AKAP11: variants seen among roughly 807,000 people sequenced by gnomAD.
AKAP11 encodes the protein A-kinase anchoring protein 11, also known as A-kinase anchor protein 11.
In AKAP11, 36 loss-of-function variants were observed where a neutral mutation model predicts 146.1. The observed-to-expected ratio is 0.25, with a 90% CI of 0.19 to 0.33. AKAP11 has a LOEUF of 0.33. AKAP11 is among the 10% of genes least tolerant of loss of function. The probability of loss-of-function intolerance (pLI) is 1.00; values close to 1 mark genes in which losing one functional copy is unlikely to be tolerated. For missense variants in AKAP11, 2,201 were observed against 2,197.0 expected (o/e 1.00, Z -0.04); for synonymous variants, 780 against 786.5 (o/e 0.99, Z 0.14).
At chr13:42,283,402 A>G (rs1959104128) in intron 1 of AKAP11, among the ~76,000 whole-genome samples, 1 of 152,102 alleles carries the variant, frequency 6.6e-6, no homozygotes, top group South Asian at 2.1e-4. Flanking sequence ...CTTTTTATGT[A>G]TATTGTATGT....
chr13:42,303,012 CA>C lies in AKAP11; in HGVS notation c.4271del (p.Lys1424ArgfsTer42). On this transcript the variant is annotated frameshift_variant, in exon 8 of 13. Transcript: ENST00000025301. LOFTEE classifies it high-confidence loss of function. ...SNKEHHQEAD[K>X]KRQSKRNEGY... ...ACAAAGAGCACCACCAAGAAGCAGA[CA>C]AAAAGAGACAAAGTAAAAGAAATGA... is the stretch of plus-strand genomic sequence containing the variant. 6.2e-7 allele frequency: 1 copy of C among 1,612,696 alleles called. No homozygotes were observed. The highest frequency in any genetic ancestry group is 2.2e-5 in the East Asian group (1 of 44,848).
intron 11 of AKAP11, 104 bp from the exon 12 acceptor site, chr13:42,317,424 T>G: frequency 1.6e-6 from 2 of 1,230,392 alleles, no homozygotes; most frequent in South Asian, 1.6e-5. Flanking sequence ...TCACCATTCA[T>G]TAGAATCCTA....
At chr13:42,313,256 C>T (rs1434127013) in intron 10 of AKAP11, 126 bp downstream of exon 10, 1 of 660,388 alleles carries the variant, frequency 1.5e-6, no homozygotes, top group Non-Finnish European at 2.5e-6. Flanking sequence ...TATATTTTGA[C>T]ATGATTCTGC....
intron 1 of AKAP11, among the ~76,000 whole-genome samples, chr13:42,274,972 G>C (rs1239724642): frequency 1.3e-5 from 2 of 152,188 alleles, no homozygotes; most frequent in Admixed American, 1.3e-4. Context: ...TGCTTACTCA[G>C]TGTTTTTATT....
At chr13:42,304,310 A>G (rs1340499636) in intron 8 of AKAP11, among the ~76,000 whole-genome samples, 2 of 152,216 alleles carry the variant, frequency 1.3e-5, no homozygotes, top group African/African-American at 4.8e-5. Context: ...GTCTCACACC[A>G]TCTCACTCAG....
At chr13:42,276,105 C>T (rs1958910674) in intron 1 of AKAP11, among the ~76,000 whole-genome samples, 1 of 152,166 alleles carries the variant, frequency 6.6e-6, no homozygotes, top group Non-Finnish European at 1.5e-5. Flanking sequence ...CATAGATGCT[C>T]TCTTGAATTT....
At position 42,298,711 on chromosome 13, in the gene AKAP11, A is replaced by G; in HGVS notation, c.530A>G (p.Asn177Ser). The G allele has an allele frequency of 1.9e-6, 3 of 1,610,046 alleles. No homozygotes were observed. The highest frequency in any genetic ancestry group is 1.7e-6 in the Non-Finnish European group (2 of 1,178,672). The change falls in exon 7 of 13, where the codon AAC becomes AGC. Residue 177 changes from asparagine (N) to serine (S), a missense_variant. Physicochemically the swap from Asn to Ser is conservative, Grantham distance 46. Transcript: ENST00000025301. Reference protein sequence around the residue: ...ETTDEDDDDTNQSVSSIEDDF... With the variant: ...ETTDEDDDDTSQSVSSIEDDF... ...ACTGATGAAGATGATGATGATACTA[A>G]CCAGTCTGTGTCATCCATAGAGGAT...
At position 42,303,378 on chromosome 13, in the gene AKAP11, CAAA is replaced by C. The variant is rs761179518; in HGVS notation, c.4636_4638del (p.Lys1546del). 5.6e-6 allele frequency: 9 copies of C among 1,613,542 alleles called. No individual in the cohort carries two copies. The highest frequency in any genetic ancestry group is 7.6e-6 in the Non-Finnish European group (9 of 1,180,002). Reference sequence around the variant, plus strand: ...TTGTTCAAGCTGTAGAACAGTATGCCAAAAAAGTAGTGGATGACACTCTAGAGC... The same window carrying C: ...TTGTTCAAGCTGTAGAACAGTATGCCAAAGTAGTGGATGACACTCTAGAGC... On this transcript the variant is annotated inframe_deletion, in exon 8 of 13. Transcript: ENST00000025301.
chr13:42,287,408 C>T (rs1162381592), intron 3 of AKAP11, among the ~76,000 whole-genome samples: 2 of 151,944 alleles, frequency 1.3e-5, no homozygotes, highest in Non-Finnish European at 2.9e-5. Flanking sequence ...CTCAGCCTCC[C>T]GAGTAGCTGG....
At position 42,313,136 on chromosome 13, in the gene AKAP11, TC is replaced by T. The variant is rs753356984; in HGVS notation, c.5357+8del. The T allele has an allele frequency of 1.9e-6, 3 of 1,606,520 alleles. No homozygotes were observed. Among genetic ancestry groups the T allele is most frequent in the Admixed American group, 3.4e-5 (2 of 58,546 alleles). ...TCCTTTCCAACATCAGACAGGTTGG[TC>T]CAGTCTAGAAACTTAAAAACTGATG... On this transcript the variant is annotated splice_region_variant and intron_variant, in intron 10 of 12. Coordinates refer to ENST00000025301, the MANE Select transcript of AKAP11 (RefSeq NM_016248.4).
chr13:42,297,137 G>A lies in AKAP11; in HGVS notation c.306G>A (p.Lys102=). 6.4e-7 allele frequency: 1 copy of A among 1,566,368 alleles called. No individual in the cohort carries two copies. Among genetic ancestry groups the A allele is most frequent in the Non-Finnish European group, 8.7e-7 (1 of 1,150,502 alleles). Residue 102 remains lysine (K), a synonymous_variant, in exon 6 of 13, where the codon AAG becomes AAA. Transcript: ENST00000025301. ...ATGAAAATGAAATTATTTGTATGAA[G>A]AATATAAATAAACCATTAGATATAA... ...SLNENEIICM[K]NINKPLDISS...
chr13:42,311,588 G>A (rs1191284749), intron 9 of AKAP11, among the ~76,000 whole-genome samples: 4 of 152,074 alleles, frequency 2.6e-5, no homozygotes, highest in South Asian at 4.2e-4. Context: ...TCTTTACTTC[G>A]TTTAGCTGTT....
In AKAP11 at chr13:42,300,352, A is replaced by C; in HGVS notation, c.1606A>C (p.Lys536Gln). 6.2e-7 allele frequency: 1 copy of C among 1,605,550 alleles called. No individual in the cohort carries two copies. Among genetic ancestry groups the C allele is most frequent in the Non-Finnish European group, 8.5e-7 (1 of 1,177,612 alleles). Reference sequence around the variant, plus strand: ...TTTTAAGCATGGAAACCTTGATCAAAAAAATAAATCTAAAAATAAATCCTT... The same window carrying C: ...TTTTAAGCATGGAAACCTTGATCAACAAAATAAATCTAAAAATAAATCCTT... ...VTFKHGNLDQKNKSKNKSLMI... is the reference protein window; with the variant it reads ...VTFKHGNLDQQNKSKNKSLMI... The change falls in exon 8 of 13, where the codon AAA (lysine) becomes CAA (glutamine). Residue 536 changes from lysine (K) to glutamine (Q), a missense_variant. Physicochemically the swap from Lys to Gln is moderately conservative, Grantham distance 53. Around this residue, in one of 3 missense-constraint regions of AKAP11, gnomAD observed 1,867 missense variants for 1,833.5 expected, o/e 1.02. Coordinates refer to ENST00000025301, the MANE Select transcript of AKAP11 (RefSeq NM_016248.4).
chr13:42,274,908 A>G (rs1163717765), intron 1 of AKAP11, among the ~76,000 whole-genome samples: 1 of 152,258 alleles, frequency 6.6e-6, no homozygotes, highest in Non-Finnish European at 1.5e-5. Context: ...TAATTAAATG[A>G]GCCTCATTTT....
chr13:42,308,469 A>G lies in AKAP11; in HGVS notation c.5133A>G (p.Glu1711=). 3 of 1,591,170 alleles carry G rather than the reference A, an allele frequency of 1.9e-6. No homozygotes were observed. The highest frequency in any genetic ancestry group is 2.6e-6 in the Non-Finnish European group (3 of 1,167,744). The change falls in exon 9 of 13, where the codon GAA becomes GAG. Residue 1711 remains glutamate (E), a synonymous_variant. Coordinates refer to ENST00000025301, the MANE Select transcript of AKAP11 (RefSeq NM_016248.4). ...GHAVSSSKEI[E]DFQSTESVSS... is the part of the protein sequence containing the mutation. ...TTCTTTTTAGTTCAAAAGAAATAGA[A>G]GACTTTCAGTCAACCGAGTCTGTCA...
Position 42,301,694 on chromosome 13 carries a change from A to C in AKAP11, c.2948A>C (p.Glu983Ala), listed in dbSNP as rs762553192. Residue 983 changes from glutamate to alanine, a missense_variant, in exon 8 of 13, where the codon GAA (glutamate) becomes GCA (alanine). Coordinates refer to ENST00000025301, the MANE Select transcript of AKAP11 (RefSeq NM_016248.4). Reference protein sequence around the residue: ...VSGEESQLTPEKSPKFPDSQN... With the variant: ...VSGEESQLTPAKSPKFPDSQN... Reference sequence around the variant, plus strand: ...GGAGAAGAATCACAGTTGACACCAGAAAAGTCTCCCAAATTTCCTGACTCT... The same window carrying C: ...GGAGAAGAATCACAGTTGACACCAGCAAAGTCTCCCAAATTTCCTGACTCT... 1 of 1,614,044 alleles carries C rather than the reference A, an allele frequency of 6.2e-7. No homozygotes were observed. Among genetic ancestry groups the C allele is most frequent in the African/African-American group, 1.3e-5 (1 of 74,936 alleles).
intron 9 of AKAP11, among the ~76,000 whole-genome samples, chr13:42,311,320 T>C (rs890538066): frequency 2.0e-5 from 3 of 152,200 alleles, no homozygotes; most frequent in African/African-American, 7.2e-5. Flanking sequence ...AGGAAAACTC[T>C]TAAGTGAAGA....
chr13:42,300,268 C>G lies in AKAP11; in HGVS notation c.1522C>G (p.His508Asp). Residue 508 changes from histidine to aspartate, a missense_variant, in exon 8 of 13, where the codon CAT becomes GAT. Coordinates refer to ENST00000025301, the MANE Select transcript of AKAP11 (RefSeq NM_016248.4). ...EVLGSVLRTH[H>D]TNTLSNINSI... Reference sequence around the variant, plus strand: ...ACTAGGCTCAGTTCTTCGTACCCACCATACTAATACCCTATCAAATATTAA... The same window carrying G: ...ACTAGGCTCAGTTCTTCGTACCCACGATACTAATACCCTATCAAATATTAA... The G allele has an allele frequency of 6.2e-7, 1 of 1,613,720 alleles. No homozygotes were observed. Among genetic ancestry groups the G allele is most frequent in the Non-Finnish European group, 8.5e-7 (1 of 1,179,808 alleles).
At chr13:42,293,962 G>C (rs238339) in intron 4 of AKAP11, among the ~76,000 whole-genome samples, 151,599 of 152,344 alleles carry the variant, frequency 1, 75,434 homozygotes, top group Middle Eastern at 1. Flanking sequence ...GTTAACCTCA[G>C]AACTATGAGA....
Sources: allele counts gnomAD v4.1 joint callset (sites outside exome capture counted in the v4.1 genomes callset), GRCh38; gene constraint gnomAD v4.1.1; regional missense constraint gnomAD v4.1.1; transcripts MANE v1.5; gene names NCBI Gene and HGNC (gene_info 2026-07-23, HGNC 2026-07-21).